The following BCAR3 variants were observed in gnomAD, a reference collection of about 807,000 sequenced individuals.
BCAR3 encodes the protein BCAR3 adaptor protein, NSP family member.
Under a neutral mutation model 80.1 loss-of-function variants are expected in BCAR3, and 37 were observed. The observed-to-expected ratio is 0.46, with a 90% CI of 0.36 to 0.61. The LOEUF is 0.61. Ranked by LOEUF, BCAR3 falls within the 20% of genes least tolerant of loss-of-function variation. BCAR3 has a pLI of 0.00. For synonymous variants in BCAR3, 389 were observed against 418.9 expected (o/e 0.93, Z 0.87); for missense variants, 978 against 1,068.2 (o/e 0.92, Z 1.18).
intron 3 of BCAR3, among the ~76,000 whole-genome samples, chr1:93,605,141 GC>G (rs1489832102): frequency 6.6e-6 from 1 of 152,198 alleles, no homozygotes. Flanking sequence ...TCCTGGAGCA[GC>G]CCACAGAGGA....
chr1:93,827,696 A>G (rs1038973725), intron 2 of BCAR3, among the ~76,000 whole-genome samples: 4 of 151,846 alleles, frequency 2.6e-5, no homozygotes, highest in Non-Finnish European at 5.9e-5. Context: ...ATCTAAAAGG[A>G]AAGAGGGAGG....
At chr1:93,735,054 C>T (rs775898277) in intron 2 of BCAR3, among the ~76,000 whole-genome samples, 4 of 152,178 alleles carry the variant, frequency 2.6e-5, no homozygotes, top group Admixed American at 6.5e-5. Context: ...GGGATGGTGC[C>T]TATCTTGCTC....
intron 3 of BCAR3, among the ~76,000 whole-genome samples, chr1:93,611,271 T>C (rs1480841928): frequency 1.3e-5 from 2 of 152,296 alleles, no homozygotes; most frequent in South Asian, 2.1e-4. Flanking sequence ...TCAAATCTCA[T>C]TTATTGCCCC....
At chr1:93,812,916 C>T (rs372442621) in intron 2 of BCAR3, among the ~76,000 whole-genome samples, 4 of 152,224 alleles carry the variant, frequency 2.6e-5, no homozygotes, top group African/African-American at 7.2e-5. Context: ...TCATCTCCAT[C>T]GGCTTTTTCT....
chr1:93,676,116 T>G (rs930102340), intron 1 of BCAR3, among the ~76,000 whole-genome samples: 11 of 152,066 alleles, frequency 7.2e-5, no homozygotes, highest in African/African-American at 2.7e-4. Flanking sequence ...AGCAGCCCTC[T>G]TTCCTCACAA....
At chr1:93,840,436 AT>A (rs1420217827) in intron 2 of BCAR3, among the ~76,000 whole-genome samples, 1 of 152,208 alleles carries the variant, frequency 6.6e-6, no homozygotes, top group African/African-American at 2.4e-5. Flanking sequence ...TTACTTCATT[AT>A]TATTTTCAAC....
At chr1:93,763,458 G>T (rs1652028393) in intron 2 of BCAR3, among the ~76,000 whole-genome samples, 1 of 152,190 alleles carries the variant, frequency 6.6e-6, no homozygotes. Flanking sequence ...ACCTCATGAA[G>T]TAGGCATTAT....
At chr1:93,756,758 G>A (rs951839408) in intron 2 of BCAR3, among the ~76,000 whole-genome samples, 2 of 152,192 alleles carry the variant, frequency 1.3e-5, no homozygotes, top group Non-Finnish European at 2.9e-5. Context: ...ACACTCCAGG[G>A]AATGCCCAGG....
At chr1:93,762,114 C>A (rs749050994) in intron 2 of BCAR3, among the ~76,000 whole-genome samples, 1 of 152,164 alleles carries the variant, frequency 6.6e-6, no homozygotes, top group Non-Finnish European at 1.5e-5. Flanking sequence ...ATGAAAATAG[C>A]TCTTTAAACT....
At chr1:93,846,406 G>C (rs1308834544) in intron 1 of BCAR3, among the ~76,000 whole-genome samples, 2 of 152,180 alleles carry the variant, frequency 1.3e-5, no homozygotes, top group African/African-American at 4.8e-5. Context: ...TAATAGGAAC[G>C]GGGGCCGGGC....
chr1:93,834,413 A>G (rs951556860), intron 2 of BCAR3, among the ~76,000 whole-genome samples: 3 of 152,014 alleles, frequency 2.0e-5, no homozygotes, highest in African/African-American at 7.3e-5. Flanking sequence ...CATAGATCCT[A>G]AATCCTTTCC....
In BCAR3 at chr1:93,842,899, C is replaced by A. The variant is rs566419565; in HGVS notation, c.-63+2668G>T. On this transcript the variant is annotated intron_variant, in intron 2 of 13. Coordinates refer to the BCAR3 transcript ENST00000370244. ...TTTTCCTTCCCCTGTTCCTGCCTGG[C>A]CACCTAATGTGGTTTGGCTATTGGC... Among the ~76,000 whole-genome samples, 65 of 152,312 alleles carry A rather than the reference C, an allele frequency of 4.3e-4. 2 individuals carry two copies. The highest frequency in any genetic ancestry group is 1.5e-3 in the African/African-American group (63 of 41,562).
At chr1:93,805,772 C>T (rs1571140618) in intron 2 of BCAR3, among the ~76,000 whole-genome samples, 1 of 152,032 alleles carries the variant, frequency 6.6e-6, no homozygotes, top group South Asian at 2.1e-4. Context: ...AACCAACAGA[C>T]AAACATAATT....
intron 2 of BCAR3, among the ~76,000 whole-genome samples, chr1:93,673,267 G>GTAA (rs1648307325): frequency 1.3e-5 from 2 of 152,198 alleles, no homozygotes; most frequent in Non-Finnish European, 2.9e-5. Flanking sequence ...TATTGCTTCA[G>GTAA]ATGCTCCACT....
chr1:93,813,192 T>C (rs1653905319), intron 2 of BCAR3, among the ~76,000 whole-genome samples: 1 of 152,086 alleles, frequency 6.6e-6, no homozygotes, highest in African/African-American at 2.4e-5. Context: ...CCTCCACCTA[T>C]AGGTGTGAAT....
intron 2 of BCAR3, among the ~76,000 whole-genome samples, chr1:93,737,953 C>T (rs1651041969): frequency 6.6e-6 from 1 of 152,176 alleles, no homozygotes; most frequent in South Asian, 2.1e-4. Context: ...CCATCTCAAC[C>T]TCACAAGTAG....
intron 2 of BCAR3, among the ~76,000 whole-genome samples, chr1:93,728,961 C>A (rs1650691346): frequency 6.6e-6 from 1 of 152,148 alleles, no homozygotes. Flanking sequence ...GGACCACGCC[C>A]TCCTCTACCC....
intron 2 of BCAR3, among the ~76,000 whole-genome samples, chr1:93,783,006 G>T (rs1202779187): frequency 6.6e-6 from 1 of 152,122 alleles, no homozygotes; most frequent in African/African-American, 2.4e-5. Context: ...GCACACAAAT[G>T]TGCATTTCAG....
At chr1:93,565,588 C>T (rs1449095460) in intron 11 of BCAR3, among the ~76,000 whole-genome samples, 3 of 152,168 alleles carry the variant, frequency 2.0e-5, no homozygotes, top group Non-Finnish European at 1.5e-5. Context: ...TTCTCAAAAC[C>T]CACCCTGATG....
Sources: allele counts gnomAD v4.1 joint callset (sites outside exome capture counted in the v4.1 genomes callset), GRCh38; gene constraint gnomAD v4.1.1; transcripts MANE v1.5; gene names NCBI Gene and HGNC (gene_info 2026-07-23, HGNC 2026-07-21).